MASP2: variants seen among roughly 807,000 people sequenced by gnomAD.
MASP2 encodes mannan-binding lectin serine protease 2.
Under a neutral mutation model 57.1 loss-of-function variants are expected in MASP2, and 49 were observed. The observed-to-expected ratio is 0.86, with a 90% CI of 0.68 to 1.09. The LOEUF (loss-of-function observed/expected upper bound fraction) is 1.09, where lower values mean the gene tolerates loss of function less well. Among genes scored for constraint, MASP2 ranks in the 50% least tolerant of loss-of-function variants. The probability of loss-of-function intolerance (pLI) is 0.00; values close to 1 mark genes in which losing one functional copy is unlikely to be tolerated. For missense variants in MASP2, 900 were observed against 874.8 expected (o/e 1.03, Z -0.36); for synonymous variants, 379 against 340.8 (o/e 1.11, Z -1.24).
intron 10 of MASP2, among the ~76,000 whole-genome samples, chr1:11,028,522 T>A (rs1169879406): frequency 6.6e-6 from 1 of 152,150 alleles, no homozygotes; most frequent in African/African-American, 2.4e-5. Context: ...AAACTAAGTT[T>A]TATTGTATCT....
chr1:11,036,555 AAAG>A (rs1638244613), intron 7 of MASP2, among the ~76,000 whole-genome samples: 1 of 147,362 alleles, frequency 6.8e-6, no homozygotes, highest in South Asian at 2.1e-4. Flanking sequence ...AAAAGAAACT[AAAG>A]AAGTCTGTGG....
intron 10 of MASP2, among the ~76,000 whole-genome samples, chr1:11,028,795 G>C (rs1643788946): frequency 6.8e-6 from 1 of 147,572 alleles, no homozygotes; most frequent in East Asian, 2.0e-4. Context: ...CTCACTGCAA[G>C]CTCTGCCTCC....
In MASP2 at chr1:11,046,975, A is replaced by T. The variant is rs1421961438; in HGVS notation, c.150T>A (p.Thr50=). 1 of 1,560,500 alleles carries T rather than the reference A, an allele frequency of 6.4e-7. No individual in the cohort carries two copies. The highest frequency in any genetic ancestry group is 1.4e-5 in the African/African-American group (1 of 73,670). ...GGCGCAGGCGGTAGCCGGGGGGTGCAGTCAGGGTCCAGCGCCGCTCCTGGT... is the reference window on the plus strand; with the variant it reads ...GGCGCAGGCGGTAGCCGGGGGGTGCTGTCAGGGTCCAGCGCCGCTCCTGGT... ...ANDQERRWTL[T]APPGYRLRLY... Residue 50 remains threonine, a synonymous_variant, in exon 2 of 11, where the codon ACT becomes ACA. Coordinates refer to ENST00000400897, the MANE Select transcript of MASP2 (RefSeq NM_006610.4).
rs1638519216 is a variant in MASP2 at position 11,043,347 on chromosome 1, A to G, written c.733T>C (p.Phe245Leu). ...GGGCCCAGGAGCCAGACCTTGAGAA[A>G]GTCGTAGGGACACAGGGTTTCAGGG... ...THPETLCPYDFLKIQTDREEH... is the reference protein window; with the variant it reads ...THPETLCPYDLLKIQTDREEH... Residue 245 changes from phenylalanine to leucine, a missense_variant, in exon 5 of 11, where the codon TTT (phenylalanine) becomes CTT (leucine). Physicochemically the swap from Phe to Leu is conservative, Grantham distance 22. Coordinates refer to ENST00000400897, the MANE Select transcript of MASP2 (RefSeq NM_006610.4). 1 of 1,605,856 alleles carries G rather than the reference A, an allele frequency of 6.2e-7. No homozygotes were observed. Among genetic ancestry groups the G allele is most frequent in the South Asian group, 1.1e-5 (1 of 89,554 alleles).
intron 6 of MASP2, among the ~76,000 whole-genome samples, chr1:11,041,437 T>TGGAA: frequency 6.9e-6 from 1 of 144,816 alleles, no homozygotes; most frequent in Admixed American, 6.9e-5. Flanking sequence ...GATGGATGGA[T>TGGAA]TGGTAGGTAG....
intron 4 of MASP2, chr1:11,045,054 G>A: frequency 9.0e-7 from 1 of 1,105,130 alleles, no homozygotes; most frequent in East Asian, 2.4e-5. Flanking sequence ...CCACGCCCCA[G>A]AGCACTGGCC....
chr1:11,037,379 G>A (rs987315466), intron 7 of MASP2, among the ~76,000 whole-genome samples: 4 of 152,066 alleles, frequency 2.6e-5, no homozygotes, highest in South Asian at 2.1e-4. Flanking sequence ...GTGAGCCACC[G>A]CGCCTGGCCA....
chr1:11,033,194 A>G (rs1177226612), intron 8 of MASP2, among the ~76,000 whole-genome samples: 1 of 151,544 alleles, frequency 6.6e-6, no homozygotes, highest in Non-Finnish European at 1.5e-5. Context: ...CGGGCGTGGT[A>G]GCACATGCCT....
At chr1:11,033,674 CAAAG>C (rs1281548526) in intron 8 of MASP2, among the ~76,000 whole-genome samples, 2 of 151,506 alleles carry the variant, frequency 1.3e-5, no homozygotes, top group Non-Finnish European at 2.9e-5. Context: ...AAAATATTGT[CAAAG>C]AACACACTTT....
chr1:11,029,118 G>A (rs556948319), intron 10 of MASP2, among the ~76,000 whole-genome samples: 33 of 149,546 alleles, frequency 2.2e-4, no homozygotes, highest in African/African-American at 7.4e-4. Context: ...TCAGCCTCCC[G>A]AGTAGCTGGG....
At chr1:11,031,199 A>C (rs1250687075) in intron 8 of MASP2, among the ~76,000 whole-genome samples, 1 of 151,968 alleles carries the variant, frequency 6.6e-6, no homozygotes. Context: ...GAAACCACCC[A>C]GAGCTCCTTA....
At position 11,043,022 on chromosome 1, in the gene MASP2, T is replaced by G; in HGVS notation, c.742A>C (p.Ile248Leu). Residue 248 changes from isoleucine to leucine, a missense_variant and splice_region_variant, in exon 6 of 11, where the codon ATT (isoleucine) becomes CTT (leucine). Physicochemically the swap from Ile to Leu is conservative, Grantham distance 5 (BLOSUM62 2). Transcript: ENST00000400897. ...ETLCPYDFLK[I>L]QTDREEHGPF... ...CCATGTTCTTCTCTGTCTGTTTGAA[T>G]CTGAGAAAGAAGCTCATGAAAGCTG... is the stretch of plus-strand genomic sequence containing the variant. 6.2e-7 allele frequency: 1 copy of G among 1,613,540 alleles called. No homozygotes were observed. Among genetic ancestry groups the G allele is most frequent in the Non-Finnish European group, 8.5e-7 (1 of 1,179,658 alleles).
Position 11,027,329 on chromosome 1 carries a change from A to G in MASP2, c.1617T>C (p.Asn539=), listed in dbSNP as rs72550845. The G allele has an allele frequency of 2.2e-3, 3,546 of 1,614,064 alleles. 86 individuals are homozygous for G. The African/African-American group carries it at 0.041, about 19-fold the overall frequency. ...TGTTGCTATTGATTACAACTTTGTTATTCAATTTAATCAGTGCTATGTCAT... is the reference window on the plus strand; with the variant it reads ...TGTTGCTATTGATTACAACTTTGTTGTTCAATTTAATCAGTGCTATGTCAT... ...FDNDIALIKL[N]NKVVINSNIT... The change falls in exon 11 of 11, where the codon AAT becomes AAC. Residue 539 remains asparagine (N), a synonymous_variant. Transcript: ENST00000400897.
intron 4 of MASP2, chr1:11,044,884 C>T (rs1638578683): frequency 2.5e-6 from 4 of 1,584,638 alleles, no homozygotes; most frequent in Middle Eastern, 3.8e-4. Context: ...GGAGCTGAGG[C>T]CAGCAGGCTG....
chr1:11,044,909 C>T, intron 4 of MASP2: 4 of 1,600,156 alleles, frequency 2.5e-6, no homozygotes, highest in Middle Eastern at 1.8e-4. Context: ...TGGCTTCTGA[C>T]CTGCTGGGCA....
chr1:11,028,507 C>A (rs1020546173), intron 10 of MASP2, among the ~76,000 whole-genome samples: 1 of 152,062 alleles, frequency 6.6e-6, no homozygotes, highest in Non-Finnish European at 1.5e-5. Flanking sequence ...CTAGTTGATT[C>A]TTCCAAACTA....
chr1:11,043,296 A>T (rs775086060), intron 5 of MASP2, 43 bp downstream of exon 5: 51 of 1,537,482 alleles, frequency 3.3e-5, no homozygotes, highest in Non-Finnish European at 4.3e-5. Flanking sequence ...AGCTGGGCTG[A>T]GGGGGAGGAT....
intron 4 of MASP2, among the ~76,000 whole-genome samples, chr1:11,044,585 C>G (rs1638564796): frequency 6.6e-6 from 1 of 152,160 alleles, no homozygotes; most frequent in Non-Finnish European, 1.5e-5. Context: ...ACTCTGGGCT[C>G]AGCCTCTGGG....
At chr1:11,032,450 A>G (rs535750756) in intron 8 of MASP2, among the ~76,000 whole-genome samples, 164 of 152,054 alleles carry the variant, frequency 1.1e-3, no homozygotes, top group Non-Finnish European at 1.7e-3. Context: ...TGCCTCTACT[A>G]AAACTAAAAA....
Sources: gnomAD v4.1 joint callset for allele counts (sites outside exome capture counted in the v4.1 genomes callset) on GRCh38, gnomAD v4.1.1 for gene constraint, MANE v1.5 for transcripts, NCBI Gene and HGNC (gene_info 2026-07-23, HGNC 2026-07-21) for gene names.